The following MIPOL1 variants were observed in gnomAD, a reference collection of about 807,000 sequenced individuals.
MIPOL1 encodes the protein mirror-image polydactyly 1, also known as mirror-image polydactyly gene 1 protein.
In MIPOL1, 57 loss-of-function variants were observed where a neutral mutation model predicts 60.9. The ratio of observed to expected loss-of-function variants is 0.94; its 90% confidence interval spans 0.76 to 1.17. The LOEUF (loss-of-function observed/expected upper bound fraction) is 1.17, where lower values mean the gene tolerates loss of function less well. Ranked by LOEUF, MIPOL1 falls within the 50% of genes most tolerant of loss-of-function variation. MIPOL1 has a pLI of 0.00. For synonymous variants in MIPOL1, 179 were observed against 168.8 expected (o/e 1.06, Z -0.47); for missense variants, 551 against 511.6 (o/e 1.08, Z -0.74).
chr14:37,378,385 C>T (rs2092833765), intron 10 of MIPOL1, among the ~76,000 whole-genome samples: 1 of 151,880 alleles, frequency 6.6e-6, no homozygotes, highest in African/African-American at 2.4e-5. Flanking sequence ...AGATGGGTCT[C>T]AAGGGCATGA....
chr14:37,491,443 C>T (rs1282234179), intron 11 of MIPOL1, among the ~76,000 whole-genome samples: 2 of 152,138 alleles, frequency 1.3e-5, no homozygotes, highest in African/African-American at 4.8e-5. Context: ...GTAGTAGAAT[C>T]GCTTGAACCC....
chr14:37,467,687 A>G (rs1223672388), intron 11 of MIPOL1, among the ~76,000 whole-genome samples: 1 of 152,206 alleles, frequency 6.6e-6, no homozygotes, highest in African/African-American at 2.4e-5. Flanking sequence ...AAGAAACATT[A>G]ATTAACTAAT....
At chr14:37,241,213 G>A (rs1001596474) in intron 1 of MIPOL1, among the ~76,000 whole-genome samples, 6 of 152,112 alleles carry the variant, frequency 3.9e-5, no homozygotes, top group Non-Finnish European at 1.5e-5. Context: ...AGGCAGTAAG[G>A]CAAAAGGAGA....
intron 11 of MIPOL1, among the ~76,000 whole-genome samples, chr14:37,495,871 A>T (rs1205298273): frequency 6.6e-6 from 1 of 150,758 alleles, no homozygotes; most frequent in Admixed American, 6.6e-5. Context: ...CATTTCTCTG[A>T]TGGCCAGTGA....
chr14:37,392,813 T>C (rs917193546), intron 10 of MIPOL1, among the ~76,000 whole-genome samples: 6 of 152,172 alleles, frequency 3.9e-5, no homozygotes, highest in Non-Finnish European at 8.8e-5. Context: ...AAAATAGATA[T>C]CAAGTAAGTT....
At chr14:37,540,107 A>G (rs535134882) in intron 12 of MIPOL1, among the ~76,000 whole-genome samples, 3 of 152,306 alleles carry the variant, frequency 2.0e-5, no homozygotes, top group African/African-American at 7.2e-5. Context: ...AATCATTTCA[A>G]CCTTCTTCCT....
chr14:37,411,262 TC>T (rs1244336169), intron 10 of MIPOL1, among the ~76,000 whole-genome samples: 1 of 152,162 alleles, frequency 6.6e-6, no homozygotes, highest in African/African-American at 2.4e-5. Context: ...CAGAATGGTT[TC>T]CTGTTGCAAT....
intron 9 of MIPOL1, among the ~76,000 whole-genome samples, chr14:37,348,820 CT>C (rs2091128967): frequency 1.3e-5 from 1 of 78,104 alleles, no homozygotes; most frequent in African/African-American, 3.7e-5. Flanking sequence ...TTCTTTTTTC[CT>C]TTTTTTGTTT....
chr14:37,284,123 G>A (rs1182362742), intron 6 of MIPOL1, among the ~76,000 whole-genome samples: 1 of 151,996 alleles, frequency 6.6e-6, no homozygotes, highest in Admixed American at 6.5e-5. Context: ...TCCTGATATA[G>A]TGCTGCAAAA....
At chr14:37,495,335 G>A (rs1300576067) in intron 11 of MIPOL1, among the ~76,000 whole-genome samples, 1 of 134,540 alleles carries the variant, frequency 7.4e-6, no homozygotes, top group Non-Finnish European at 1.5e-5. Context: ...CTGTGTCCAT[G>A]TGATCTCATT....
chr14:37,369,152 T>C (rs1260143322), intron 9 of MIPOL1, among the ~76,000 whole-genome samples: 2 of 152,042 alleles, frequency 1.3e-5, no homozygotes, highest in African/African-American at 4.8e-5. Flanking sequence ...GTAGTTTGTT[T>C]AGAATCCAAT....
intron 6 of MIPOL1, among the ~76,000 whole-genome samples, chr14:37,283,830 C>T (rs2084322711): frequency 6.6e-6 from 1 of 152,162 alleles, no homozygotes; most frequent in Non-Finnish European, 1.5e-5. Context: ...AGCTTGCTAA[C>T]CTTTAGTACC....
chr14:37,358,615 G>T (rs1265489728), intron 9 of MIPOL1, among the ~76,000 whole-genome samples: 2 of 152,132 alleles, frequency 1.3e-5, no homozygotes, highest in East Asian at 3.9e-4. Flanking sequence ...TCATGTGTCT[G>T]TGGGATGCAT....
chr14:37,249,964 G>C (rs1973826252), intron 3 of MIPOL1, among the ~76,000 whole-genome samples: 1 of 152,114 alleles, frequency 6.6e-6, no homozygotes, highest in Non-Finnish European at 1.5e-5. Flanking sequence ...TATCTAAAGA[G>C]ATAGAGACTG....
intron 9 of MIPOL1, among the ~76,000 whole-genome samples, chr14:37,368,172 G>T (rs1385319431): frequency 2.0e-5 from 3 of 151,962 alleles, no homozygotes; most frequent in African/African-American, 7.2e-5. Flanking sequence ...TTAAATTAAT[G>T]TTGATTAAAA....
At chr14:37,331,290 A>C (rs1273622863) in intron 9 of MIPOL1, among the ~76,000 whole-genome samples, 1 of 151,794 alleles carries the variant, frequency 6.6e-6, no homozygotes, top group Non-Finnish European at 1.5e-5. Flanking sequence ...TGTTTCTGTG[A>C]AGAATGTCAT....
chr14:37,250,309 A>T (rs1416733916), intron 3 of MIPOL1, among the ~76,000 whole-genome samples: 1 of 152,128 alleles, frequency 6.6e-6, no homozygotes, highest in Non-Finnish European at 1.5e-5. Flanking sequence ...GCACTTTGAG[A>T]GGCGAAGGCA....
chr14:37,468,176 GTGTGTGTGCAAT>G (rs2094627491), intron 11 of MIPOL1, among the ~76,000 whole-genome samples: 1 of 151,940 alleles, frequency 6.6e-6, no homozygotes, highest in African/African-American at 2.4e-5. Flanking sequence ...GTGTGTGTGT[GTGTGTGTGCAAT>G]TGTGTGTGTG....
chr14:37,356,351 T>C (rs909155182), intron 9 of MIPOL1, among the ~76,000 whole-genome samples: 5 of 151,906 alleles, frequency 3.3e-5, no homozygotes, highest in African/African-American at 1.2e-4. Context: ...AGGTTACTGC[T>C]GTCTTTTTGT....
Sources: allele counts gnomAD v4.1 joint callset (sites outside exome capture counted in the v4.1 genomes callset), GRCh38; gene constraint gnomAD v4.1.1; transcripts MANE v1.5; gene names NCBI Gene and HGNC (gene_info 2026-07-23, HGNC 2026-07-21).